The following MRPL37 variants were observed in gnomAD, a reference collection of about 807,000 sequenced individuals.
The protein encoded by MRPL37 is mitochondrial ribosomal protein L37, also known as large ribosomal subunit protein mL37.
In MRPL37, 34 loss-of-function variants were observed where a neutral mutation model predicts 44.1. The ratio of observed to expected loss-of-function variants is 0.77; its 90% CI spans 0.59 to 1.03. The LOEUF is 1.03. MRPL37 is among the 50% of genes least tolerant of loss of function. The pLI is 0.00. For missense variants in MRPL37, 532 were observed against 543.7 expected (o/e 0.98, Z 0.21); for synonymous variants, 212 against 219.5 (o/e 0.97, Z 0.30).
chr1:54,209,713 C>T (rs1644150396), intron 3 of MRPL37, among the ~76,000 whole-genome samples: 1 of 152,140 alleles, frequency 6.6e-6, no homozygotes, highest in Non-Finnish European at 1.5e-5. Flanking sequence ...CCCGCCTCAG[C>T]CTCCCAAAGT....
Position 54,212,538 on chromosome 1 carries a change from C to G in MRPL37, c.870C>G (p.Thr290=), listed in dbSNP as rs771763655. ...GCTATCCTTACCCCTATCCCCATAC[C>G]CTGTACTTACTGGACAAAGCCAATT... ...QEGYPYPYPH[T]LYLLDKANLR... Residue 290 remains threonine (T), a synonymous_variant, in exon 5 of 7, where the codon ACC becomes ACG. Coordinates refer to ENST00000360840, the MANE Select transcript of MRPL37 (RefSeq NM_016491.4). The G allele has an allele frequency of 1.2e-6, 2 of 1,614,188 alleles. No individual in the cohort carries two copies. The highest frequency in any genetic ancestry group is 2.2e-5 in the South Asian group (2 of 91,076).
intron 1 of MRPL37, among the ~76,000 whole-genome samples, chr1:54,202,665 TA>T (rs1644093289): frequency 6.6e-6 from 1 of 152,152 alleles, no homozygotes; most frequent in Admixed American, 6.5e-5. Context: ...CATGCCTGGC[TA>T]ATTTTTTGTA....
chr1:54,220,589 A>C, downstream of MRPL37: 1 of 465,398 alleles, frequency 2.1e-6, no homozygotes, highest in Non-Finnish European at 4.5e-6. Flanking sequence ...CTCGTGTGTC[A>C]TGACAGCTGC....
At chr1:54,215,626 G>T (rs1035982455) in intron 5 of MRPL37, among the ~76,000 whole-genome samples, 1 of 152,114 alleles carries the variant, frequency 6.6e-6, no homozygotes, top group Non-Finnish European at 1.5e-5. Flanking sequence ...GCATGAGCCT[G>T]TTTGGGTTCT....
downstream of MRPL37, among the ~76,000 whole-genome samples, chr1:54,220,027 G>GTAAGT (rs1289198079): frequency 1.3e-5 from 2 of 152,148 alleles, no homozygotes; most frequent in African/African-American, 4.8e-5. Context: ...GAGCCATTGG[G>GTAAGT]TAAGTTCCTA....
chr1:54,203,438 A>T (rs538945758), intron 1 of MRPL37, among the ~76,000 whole-genome samples: 3 of 150,368 alleles, frequency 2.0e-5, no homozygotes, highest in Admixed American at 2.0e-4. Flanking sequence ...TACAACAAAA[A>T]TTCATGATGT....
Position 54,200,302 on chromosome 1 carries a change from T to G in MRPL37, c.59T>G (p.Leu20Arg), listed in dbSNP as rs11544812. Reference protein sequence around the residue: ...RALAGSGQLGLGGFGAPRRGA... With the variant: ...RALAGSGQLGRGGFGAPRRGA... ...CTAGCTGGCTCCGGGCAGCTCGGCC[T>G]TGGGGGCTTCGGGGCCCCGAGACGC... Residue 20 changes from leucine (L) to arginine (R), a missense_variant, in exon 1 of 7, where the codon CTT becomes CGT. Physicochemically the swap from Leu to Arg is moderately radical, Grantham distance 102. Transcript: ENST00000360840. 6.2e-7 allele frequency: 1 copy of G among 1,612,736 alleles called. No homozygotes were observed.
In MRPL37 at chr1:54,205,082, T is replaced by C. The variant is rs765770074; in HGVS notation, c.411T>C (p.Leu137=). Reference sequence around the variant, plus strand: ...TAGAAGGCCTTCCCGAGAAAGTGCTTAGCCTTGTTGATGATCCAAGGAACC... The same window carrying C: ...TAGAAGGCCTTCCCGAGAAAGTGCTCAGCCTTGTTGATGATCCAAGGAACC... ...KLIEGLPEKV[L]SLVDDPRNHI... is the part of the protein sequence containing the mutation. The change falls in exon 2 of 7, where the codon CTT becomes CTC. Residue 137 remains leucine, a synonymous_variant. Coordinates refer to ENST00000360840, the MANE Select transcript of MRPL37 (RefSeq NM_016491.4). The C allele has an allele frequency of 1.2e-6, 2 of 1,613,908 alleles. No individual in the cohort carries two copies. The highest frequency in any genetic ancestry group is 3.3e-5 in the Admixed American group (2 of 59,980).
At chr1:54,208,754 C>T (rs1047502842) in intron 3 of MRPL37, among the ~76,000 whole-genome samples, 2 of 152,086 alleles carry the variant, frequency 1.3e-5, no homozygotes, top group Admixed American at 6.6e-5. Context: ...GCCTGGCAAG[C>T]TCTTACCCAG....
chr1:54,200,215 G>A lies in MRPL37; in HGVS notation c.-29G>A, dbSNP rs772076857. Reference sequence around the variant, plus strand: ...GCGCGCGGCAACATGGCGGGGTCCAGGTGGAGGTCTTGAGGCTATCAGATC... The same window carrying A: ...GCGCGCGGCAACATGGCGGGGTCCAAGTGGAGGTCTTGAGGCTATCAGATC... On this transcript the variant is annotated 5_prime_UTR_variant, in exon 1 of 7. Transcript: ENST00000360840. 3 of 1,519,302 alleles carry A rather than the reference G, an allele frequency of 2.0e-6. No individual in the cohort carries two copies. The East Asian group carries it at 6.8e-5, about 34-fold the overall frequency. The allele number at this position is 1,519,302 out of a possible 1,614,324, so 94.1% of individuals were successfully genotyped here.
downstream of MRPL37, among the ~76,000 whole-genome samples, chr1:54,224,874 A>C (rs1165203371): frequency 1.3e-5 from 2 of 152,094 alleles, no homozygotes; most frequent in Non-Finnish European, 2.9e-5. Flanking sequence ...TACACTTTCC[A>C]AAATTTAAGT....
intron 5 of MRPL37, among the ~76,000 whole-genome samples, chr1:54,214,488 T>C (rs377398800): frequency 1.3e-5 from 2 of 152,338 alleles, no homozygotes. Context: ...TTGTCCAAGA[T>C]CCCACAGCTA....
chr1:54,224,321 TC>T (rs1306475534), downstream of MRPL37, among the ~76,000 whole-genome samples: 3 of 152,080 alleles, frequency 2.0e-5, no homozygotes, highest in Non-Finnish European at 4.4e-5. Context: ...ATCTCCTAGA[TC>T]CTCCCAGCTA....
chr1:54,223,896 T>C (rs1329461578), downstream of MRPL37, among the ~76,000 whole-genome samples: 1 of 152,232 alleles, frequency 6.6e-6, no homozygotes, highest in East Asian at 1.9e-4. Context: ...ACCAGTTCTT[T>C]GCTCAGAGAT....
At chr1:54,212,438 C>G in intron 4 of MRPL37, 63 bp from the exon 5 acceptor site, 2 of 1,584,118 alleles carry the variant, frequency 1.3e-6, no homozygotes, top group Non-Finnish European at 1.7e-6. Flanking sequence ...GGTGACTTTC[C>G]TGAGGCTTTG....
chr1:54,210,263 T>C, intron 4 of MRPL37, 132 bp downstream of exon 4: 2 of 817,794 alleles, frequency 2.4e-6, no homozygotes, highest in East Asian at 2.6e-5. Context: ...CTAGGATCCA[T>C]GTGGCAGCCC....
chr1:54,200,321 G>A lies in MRPL37; in HGVS notation c.78G>A (p.Pro26=). ...GQLGLGGFGA[P]RRGAYEWGVR... ...TCGGCCTTGGGGGCTTCGGGGCCCC[G>A]AGACGCGGGGCGTATGAGTGGGGCG... Residue 26 remains proline (P), a synonymous_variant, in exon 1 of 7, where the codon CCG becomes CCA. Transcript: ENST00000360840. 3 of 1,613,560 alleles carry A rather than the reference G, an allele frequency of 1.9e-6. No individual in the cohort carries two copies. The highest frequency in any genetic ancestry group is 2.5e-6 in the Non-Finnish European group (3 of 1,179,862).
chr1:54,225,177 G>A (rs1644268343), downstream of MRPL37: 1 of 1,234,222 alleles, frequency 8.1e-7, no homozygotes, highest in African/African-American at 1.6e-5. Flanking sequence ...ACAAGAAATG[G>A]AAAATGGCTT....
chr1:54,214,611 T>C (rs1191351176), intron 5 of MRPL37, among the ~76,000 whole-genome samples: 3 of 152,180 alleles, frequency 2.0e-5, no homozygotes, highest in Non-Finnish European at 4.4e-5. Context: ...GTCCCAGGCC[T>C]GCAGACTCGC....
Sources: gnomAD v4.1 joint callset for allele counts (sites outside exome capture counted in the v4.1 genomes callset) on GRCh38, gnomAD v4.1.1 for gene constraint, MANE v1.5 for transcripts, NCBI Gene and HGNC (gene_info 2026-07-23, HGNC 2026-07-21) for gene names.